CNGB3: variants seen among roughly 807,000 people sequenced by gnomAD.
The protein encoded by CNGB3 is cyclic nucleotide-gated channel beta-3.
Under a neutral mutation model 92.8 loss-of-function variants are expected in CNGB3, and 86 were observed. The ratio of observed to expected loss-of-function variants is 0.93; its 90% CI spans 0.78 to 1.11. CNGB3 has a LOEUF of 1.11. Among genes scored for constraint, CNGB3 ranks in the 50% least tolerant of loss-of-function variants. The pLI, the probability that CNGB3 is intolerant of heterozygous loss-of-function variation, is 0.00. For missense variants in CNGB3, 1,026 were observed against 956.8 expected (o/e 1.07, Z -0.95); for synonymous variants, 333 against 332.7 (o/e 1.00, Z -0.01).
At chr8:86,632,420 A>T (rs2131585148) in intron 11 of CNGB3, among the ~76,000 whole-genome samples, 1 of 152,230 alleles carries the variant, frequency 6.6e-6, no homozygotes, top group African/African-American at 2.4e-5. Context: ...TAACCCAGTG[A>T]TTTTATAACA....
intron 17 of CNGB3, among the ~76,000 whole-genome samples, chr8:86,577,759 T>G (rs951098335): frequency 2.0e-5 from 3 of 152,190 alleles, no homozygotes; most frequent in Non-Finnish European, 1.5e-5. Flanking sequence ...GGAAGGCACA[T>G]CACAGCATTT....
chr8:86,643,480 T>C (rs1823231799), intron 10 of CNGB3, among the ~76,000 whole-genome samples: 1 of 151,458 alleles, frequency 6.6e-6, no homozygotes, highest in South Asian at 2.1e-4. Flanking sequence ...TCTCTGTCTC[T>C]ATGTGATCAA....
chr8:86,598,010 TTAAAA>T (rs1007059528), intron 15 of CNGB3, among the ~76,000 whole-genome samples: 16 of 125,528 alleles, frequency 1.3e-4, no homozygotes, highest in Non-Finnish European at 1.6e-4. Context: ...TAAAATAAAA[TTAAAA>T]TAAAATAAAA....
chr8:86,644,693 A>G lies in CNGB3; in HGVS notation c.991-7T>C. 3 of 1,508,566 alleles carry G rather than the reference A, an allele frequency of 2.0e-6. No homozygotes were observed. The highest frequency in any genetic ancestry group is 2.7e-6 in the Non-Finnish European group (3 of 1,123,836). The allele number at this position is 1,508,566 out of a possible 1,614,324, so 93.4% of individuals were successfully genotyped here. A position where few individuals can be genotyped will look rare whatever the true frequency, so the allele number is the denominator to read the frequency against. On this transcript the variant is annotated splice_region_variant and splice_polypyrimidine_tract_variant and intron_variant, in intron 8 of 17. Transcript: ENST00000320005. ...ATTCAAAAAATGAAGTGTACTATAT[A>G]GAAAAGCAAAAGAAATCCAAAAGCA...
At chr8:86,741,140 T>C (rs1825333480) in intron 1 of CNGB3, among the ~76,000 whole-genome samples, 1 of 152,208 alleles carries the variant, frequency 6.6e-6, no homozygotes, top group Admixed American at 6.5e-5. Flanking sequence ...TACATTGATA[T>C]ATTTATTCCT....
chr8:86,657,564 T>C (rs2013536), intron 6 of CNGB3: 182,778 of 455,156 alleles, frequency 0.4, 38,740 homozygotes, highest in Admixed American at 0.59. Flanking sequence ...GCAGGCTCCA[T>C]GCTGTGGGCG....
intron 7 of CNGB3, among the ~76,000 whole-genome samples, chr8:86,648,589 A>G (rs980129766): frequency 6.6e-6 from 1 of 151,324 alleles, no homozygotes; most frequent in Non-Finnish European, 1.5e-5. Context: ...TACCCTGGTC[A>G]TTATGAAATG....
chr8:86,631,786 G>A (rs905897917), intron 11 of CNGB3, among the ~76,000 whole-genome samples: 8 of 151,990 alleles, frequency 5.3e-5, no homozygotes, highest in African/African-American at 1.9e-4. Flanking sequence ...TCATTAACAT[G>A]TTAAGGCTGG....
At chr8:86,734,601 G>C (rs1225106946) in intron 2 of CNGB3, among the ~76,000 whole-genome samples, 1 of 152,174 alleles carries the variant, frequency 6.6e-6, no homozygotes, top group Non-Finnish European at 1.5e-5. Context: ...ATTCAGTTAT[G>C]TGTTCCCAGT....
chr8:86,642,515 G>A (rs1823210040), intron 10 of CNGB3, among the ~76,000 whole-genome samples: 1 of 151,618 alleles, frequency 6.6e-6, no homozygotes, highest in African/African-American at 2.4e-5. Context: ...ACTCTAGGTA[G>A]TATGTAATTT....
chr8:86,591,559 G>C (rs1378392920), intron 15 of CNGB3, among the ~76,000 whole-genome samples: 6 of 151,532 alleles, frequency 4.0e-5, no homozygotes, highest in African/African-American at 7.3e-5. Context: ...CCTTCTAACA[G>C]ACAGGACCCT....
At chr8:86,618,024 T>C (rs2131573683) in intron 13 of CNGB3, among the ~76,000 whole-genome samples, 1 of 151,994 alleles carries the variant, frequency 6.6e-6, no homozygotes, top group African/African-American at 2.4e-5. Context: ...CATCTGGGGG[T>C]GATGGGAGAC....
At chr8:86,687,634 A>G (rs962551732) in intron 3 of CNGB3, among the ~76,000 whole-genome samples, 2 of 152,046 alleles carry the variant, frequency 1.3e-5, no homozygotes, top group African/African-American at 4.8e-5. Flanking sequence ...GCAACACTGA[A>G]TGTACTAAAT....
At chr8:86,656,673 A>C (rs1225355569) in intron 6 of CNGB3, among the ~76,000 whole-genome samples, 1 of 152,130 alleles carries the variant, frequency 6.6e-6, no homozygotes, top group Non-Finnish European at 1.5e-5. Flanking sequence ...AAGAAGATCT[A>C]CTCAGGTGTT....
intron 3 of CNGB3, among the ~76,000 whole-genome samples, chr8:86,678,493 G>A (rs896863230): frequency 5.3e-5 from 8 of 152,158 alleles, no homozygotes; most frequent in African/African-American, 1.9e-4. Context: ...ACATATGGAT[G>A]TTATGATGCA....
At position 86,615,805 on chromosome 8, in the gene CNGB3, C is replaced by T. The variant is rs552908129; in HGVS notation, c.1579-4134G>A. Among the ~76,000 whole-genome samples, 5 of 151,906 alleles carry T rather than the reference C, an allele frequency of 3.3e-5. No homozygotes were observed. The East Asian group carries it at 5.8e-4, about 18-fold the overall frequency. ...GTAAAATGGTGAAGATGAGGAGTGG[C>T]GGGATATCCTCAGATGAGGGTCATC... On this transcript the variant is annotated intron_variant, in intron 13 of 17. Coordinates refer to ENST00000320005, the MANE Select transcript of CNGB3 (RefSeq NM_019098.5).
intron 11 of CNGB3, among the ~76,000 whole-genome samples, chr8:86,629,405 CAT>C (rs1245596313): frequency 6.6e-6 from 1 of 152,218 alleles, no homozygotes; most frequent in East Asian, 1.9e-4. Context: ...TAGGACTACA[CAT>C]AGTCTTCTTT....
Position 86,670,969 on chromosome 8 carries a change from G to A in CNGB3, c.468C>T (p.Ser156=), listed in dbSNP as rs1442224621. Reference sequence around the variant, plus strand: ...CAGTTTGTGGGCTGGCTTCGGGTGAGGAGAGATCTCCCTCTACCAACTTTT... The same window carrying A: ...CAGTTTGTGGGCTGGCTTCGGGTGAAGAGAGATCTCCCTCTACCAACTTTT... The part of the protein sequence containing the change: ...YKKKLVEGDL[S]SPEASPQTAK... The change falls in exon 4 of 18, where the codon TCC becomes TCT. Residue 156 remains serine (S), a synonymous_variant. Transcript: ENST00000320005. 2 of 1,612,580 alleles carry A rather than the reference G, an allele frequency of 1.2e-6. No individual in the cohort carries two copies. The highest frequency in any genetic ancestry group is 3.3e-5 in the Admixed American group (2 of 60,010).
chr8:86,695,116 G>A (rs1198728419), intron 3 of CNGB3, among the ~76,000 whole-genome samples: 4 of 151,716 alleles, frequency 2.6e-5, no homozygotes, highest in South Asian at 2.1e-4. Context: ...CCAACACAGC[G>A]AAACCCCGTC....
Sources: gnomAD v4.1 joint callset for allele counts (sites outside exome capture counted in the v4.1 genomes callset) on GRCh38, gnomAD v4.1.1 for gene constraint, MANE v1.5 for transcripts, NCBI Gene and HGNC (gene_info 2026-07-23, HGNC 2026-07-21) for gene names.